Variants in EBF1 observed in about 807,000 individuals in gnomAD.
EBF1 encodes EBF transcription factor 1, also known as transcription factor COE1.
In EBF1, 10 loss-of-function variants were observed where a neutral mutation model predicts 68.4. The observed-to-expected ratio is 0.15, with a 90% confidence interval of 0.09 to 0.25. The LOEUF (loss-of-function observed/expected upper bound fraction) is 0.25. Ranked by LOEUF, EBF1 falls within the 10% of genes least tolerant of loss-of-function variation. EBF1 has a pLI of 1.00. For missense variants in EBF1, 509 were observed against 794.4 expected (o/e 0.64, Z 4.32); for synonymous variants, 298 against 299.8 (o/e 0.99, Z 0.06).
At position 158,915,983 on chromosome 5, in the gene EBF1, G is replaced by C. The variant is rs145355568; in HGVS notation, c.555-75873C>G. Among the ~76,000 whole-genome samples, 556 of 152,248 alleles carry C rather than the reference G, an allele frequency of 3.7e-3. 1 individual carries two copies. Among genetic ancestry groups the C allele is most frequent in the Non-Finnish European group, 6.2e-3 (422 of 68,010 alleles). ...TGGTTTTACTGATTCGCAATGTCCT[G>C]ACAGATCTTGCCTTTTCATGCCTTC... On this transcript the variant is annotated intron_variant, in intron 6 of 15. Coordinates refer to ENST00000313708, the MANE Select transcript of EBF1 (RefSeq NM_024007.5).
chr5:158,797,333 GT>G (rs1469376113), intron 8 of EBF1, among the ~76,000 whole-genome samples: 1 of 152,176 alleles, frequency 6.6e-6, no homozygotes, highest in Non-Finnish European at 1.5e-5. Context: ...TTCTTGGATT[GT>G]TTTTAAAATC....
chr5:158,804,909 G>A (rs1781291101), intron 8 of EBF1, among the ~76,000 whole-genome samples: 1 of 152,226 alleles, frequency 6.6e-6, no homozygotes, highest in East Asian at 1.9e-4. Context: ...TTGTCATGGA[G>A]GGTAAGAGAA....
intron 6 of EBF1, among the ~76,000 whole-genome samples, chr5:159,001,751 T>G (rs745402779): frequency 6.6e-6 from 1 of 152,184 alleles, no homozygotes; most frequent in Non-Finnish European, 1.5e-5. Flanking sequence ...TAGGACCACA[T>G]AGCTGTTAAG....
intron 4 of EBF1, among the ~76,000 whole-genome samples, chr5:159,091,978 T>C (rs561935528): frequency 4.6e-5 from 7 of 152,324 alleles, no homozygotes; most frequent in South Asian, 2.1e-4. Flanking sequence ...CTTTGAATTA[T>C]AAAATATCAC....
chr5:158,861,105 A>G (rs1269495965), intron 6 of EBF1, among the ~76,000 whole-genome samples: 2 of 139,962 alleles, frequency 1.4e-5, no homozygotes, highest in African/African-American at 2.7e-5. Flanking sequence ...ATCAACTGGG[A>G]CCTTTTCTGG....
chr5:158,853,059 T>A (rs1400283812), intron 6 of EBF1, among the ~76,000 whole-genome samples: 3 of 152,236 alleles, frequency 2.0e-5, no homozygotes, highest in Admixed American at 2.0e-4. Context: ...CAACATTGTA[T>A]GCAAACTTTT....
chr5:158,821,606 T>C (rs1297264899), intron 8 of EBF1, among the ~76,000 whole-genome samples: 1 of 152,176 alleles, frequency 6.6e-6, no homozygotes, highest in Admixed American at 6.5e-5. Flanking sequence ...ACTCTCCAAA[T>C]CATGCCCACT....
chr5:158,775,276 C>T (rs1561889446), intron 10 of EBF1, among the ~76,000 whole-genome samples: 1 of 151,602 alleles, frequency 6.6e-6, no homozygotes, highest in Non-Finnish European at 1.5e-5. Context: ...CTCTTGAGAA[C>T]TTAAGTAATT....
chr5:159,015,593 G>T (rs1765474572), intron 6 of EBF1, among the ~76,000 whole-genome samples: 1 of 152,140 alleles, frequency 6.6e-6, no homozygotes, highest in South Asian at 2.1e-4. Flanking sequence ...TCCAAAGAAT[G>T]CCTCCCCATG....
intron 6 of EBF1, among the ~76,000 whole-genome samples, chr5:158,878,458 T>C (rs368292276): frequency 1.3e-5 from 2 of 152,154 alleles, no homozygotes; most frequent in East Asian, 3.9e-4. Flanking sequence ...TGAATCCTTA[T>C]TGTGGGCCAG....
intron 6 of EBF1, among the ~76,000 whole-genome samples, chr5:158,897,366 A>C (rs1802376888): frequency 6.6e-6 from 1 of 152,180 alleles, no homozygotes; most frequent in South Asian, 2.1e-4. Flanking sequence ...CTAAATGATG[A>C]GAACACATGG....
rs375706172 is a variant in EBF1, at chr5:159,077,474, T to TA, written c.486-4011dup. Among the ~76,000 whole-genome samples the TA allele has an allele frequency of 3.8e-3, 573 of 152,260 alleles. 3 individuals carry two copies. Among genetic ancestry groups the TA allele is most frequent in the Middle Eastern group, 0.014 (4 of 294 alleles). On this transcript the variant is annotated intron_variant, in intron 5 of 15. Transcript: ENST00000313708. ...AAGAAATGACTGCCCTAGAGCACTCTAGCTCCTTATTCTGCTTAACTTTTC... is the reference window on the plus strand; with the variant it reads ...AAGAAATGACTGCCCTAGAGCACTCTAAGCTCCTTATTCTGCTTAACTTTTC...
rs140766625 is a variant in EBF1 at position 158,708,523 on chromosome 5, G to A, written c.1550-350C>T. Among the ~76,000 whole-genome samples, 3 of 152,300 alleles carry A rather than the reference G, an allele frequency of 2.0e-5. No homozygotes were observed. In the East Asian group the frequency reaches 5.8e-4, roughly 29 times the overall value. On this transcript the variant is annotated intron_variant, in intron 14 of 15. Transcript: ENST00000313708. ...CCAAATGCACCGAGTGCCTTTATGG[G>A]GCAGAACACAGAGCCACCATCCTCA...
intron 6 of EBF1, among the ~76,000 whole-genome samples, chr5:158,849,638 C>T (rs1792223227): frequency 6.6e-6 from 1 of 152,234 alleles, no homozygotes; most frequent in Non-Finnish European, 1.5e-5. Flanking sequence ...CTGACAGCTC[C>T]TTGCACAGCT....
At chr5:158,901,602 T>A (rs1240213174) in intron 6 of EBF1, among the ~76,000 whole-genome samples, 4 of 152,252 alleles carry the variant, frequency 2.6e-5, no homozygotes, top group Non-Finnish European at 4.4e-5. Flanking sequence ...ACAAGCATTT[T>A]CCATAATAAT....
intron 5 of EBF1, among the ~76,000 whole-genome samples, chr5:159,082,859 T>C (rs1037699154): frequency 3.9e-5 from 6 of 152,230 alleles, no homozygotes; most frequent in African/African-American, 1.4e-4. Context: ...TTATTTTTGC[T>C]ATTTTTATGT....
At chr5:158,940,260 C>T (rs1400574398) in intron 6 of EBF1, among the ~76,000 whole-genome samples, 4 of 152,178 alleles carry the variant, frequency 2.6e-5, no homozygotes, top group Admixed American at 6.5e-5. Flanking sequence ...GTGTGCAGGA[C>T]GGTTTCTCAG....
intron 6 of EBF1, among the ~76,000 whole-genome samples, chr5:158,874,539 A>T (rs1797458698): frequency 6.6e-6 from 1 of 152,216 alleles, no homozygotes; most frequent in Admixed American, 6.5e-5. Context: ...ACACTGAGAC[A>T]TACAAACTGA....
chr5:158,963,487 C>T (rs751732009), intron 6 of EBF1, among the ~76,000 whole-genome samples: 3 of 152,150 alleles, frequency 2.0e-5, no homozygotes, highest in African/African-American at 7.2e-5. Flanking sequence ...CTCCCTCCAA[C>T]TGAAAAAACA....
Sources: gnomAD v4.1 joint callset for allele counts (sites outside exome capture counted in the v4.1 genomes callset) on GRCh38, gnomAD v4.1.1 for gene constraint, MANE v1.5 for transcripts, NCBI Gene and HGNC (gene_info 2026-07-23, HGNC 2026-07-21) for gene names.